The following UGGT2 variants were observed in gnomAD, a reference collection of about 807,000 sequenced individuals.
UGGT2 encodes UDP-glucose glycoprotein glucosyltransferase 2.
Under a neutral mutation model 192.1 loss-of-function variants are expected in UGGT2, and 180 were observed. That is an observed-to-expected ratio of 0.94 (90% CI 0.83 to 1.06). The LOEUF is 1.06. UGGT2 is among the 50% of genes least tolerant of loss of function. The probability of loss-of-function intolerance (pLI) is 0.00; values close to 1 mark genes in which losing one functional copy is unlikely to be tolerated. For missense variants in UGGT2, 1,849 were observed against 1,795.7 expected, an observed-to-expected ratio of 1.03 and a Z score of -0.54; for synonymous variants, 580 against 591.0, an observed-to-expected ratio of 0.98 and a Z score of 0.27.
rs571598486 is a variant in UGGT2 at position 95,806,782 on chromosome 13, G to A, written c.4529-4970C>T. 5.3e-4 allele frequency among the ~76,000 whole-genome samples: 80 copies of A among 152,066 alleles called. No individual in the cohort carries two copies. In the South Asian group the frequency reaches 6.9e-3, roughly 13 times the overall value. ...ACAAGGGTGTTCAGACCATTCAATG[G>A]GGAAATGACAGTCTCTCTAACAAAT... On this transcript the variant is annotated intron_variant, in intron 38 of 38. Coordinates refer to ENST00000376747, the MANE Select transcript of UGGT2 (RefSeq NM_020121.4).
At chr13:95,952,893 T>A (rs1382944073) in intron 12 of UGGT2, among the ~76,000 whole-genome samples, 1 of 152,194 alleles carries the variant, frequency 6.6e-6, no homozygotes, top group African/African-American at 2.4e-5. Flanking sequence ...GACAACTATA[T>A]AAAAACTATA....
intron 38 of UGGT2, among the ~76,000 whole-genome samples, chr13:95,828,401 C>T (rs1166893617): frequency 6.6e-6 from 1 of 151,898 alleles, no homozygotes; most frequent in Admixed American, 6.6e-5. Flanking sequence ...TTGAAAAGAT[C>T]AACAAAATTG....
chr13:95,801,904 T>G, intron 38 of UGGT2, 92 bp from the exon 39 acceptor site: 1 of 1,448,040 alleles, frequency 6.9e-7, no homozygotes, highest in Non-Finnish European at 9.6e-7. Context: ...GCACCGGTAC[T>G]GACTGAGGAT....
chr13:96,048,245 A>T (rs2053377555), intron 1 of UGGT2, among the ~76,000 whole-genome samples: 2 of 152,232 alleles, frequency 1.3e-5, no homozygotes, highest in South Asian at 4.1e-4. Context: ...CTGGGTACAT[A>T]ACAAAATGAA....
intron 9 of UGGT2, chr13:95,985,400 T>C: frequency 2.0e-6 from 1 of 504,722 alleles, no homozygotes; most frequent in East Asian, 6.9e-5. Context: ...TGGTATCTTG[T>C]AGCCAACCAT....
intron 36 of UGGT2, among the ~76,000 whole-genome samples, chr13:95,840,762 C>T (rs9556502): frequency 0.37 from 55,822 of 151,898 alleles, 10,621 homozygotes; most frequent in Non-Finnish European, 0.42. Flanking sequence ...GTATGTTTAC[C>T]GCAGCACTAT....
At chr13:95,802,724 G>A (rs187584948) in intron 38 of UGGT2, among the ~76,000 whole-genome samples, 22 of 152,312 alleles carry the variant, frequency 1.4e-4, no homozygotes, top group Non-Finnish European at 2.1e-4. Flanking sequence ...AGGGCCGTCC[G>A]TGGAAAATCT....
chr13:95,996,768 G>C (rs933117402), intron 6 of UGGT2, among the ~76,000 whole-genome samples: 1 of 152,150 alleles, frequency 6.6e-6, no homozygotes, highest in Non-Finnish European at 1.5e-5. Flanking sequence ...AGTGAGGCAG[G>C]AGGTCCAAAC....
At chr13:96,032,500 CTA>C (rs1389896568) in intron 1 of UGGT2, among the ~76,000 whole-genome samples, 4 of 152,086 alleles carry the variant, frequency 2.6e-5, no homozygotes, top group African/African-American at 9.7e-5. Context: ...GTGTACTGCA[CTA>C]TGTCTTTGGC....
intron 17 of UGGT2, among the ~76,000 whole-genome samples, chr13:95,928,220 C>A (rs1371707370): frequency 6.7e-6 from 1 of 148,732 alleles, no homozygotes; most frequent in Admixed American, 6.7e-5. Flanking sequence ...GAGGCGCCCC[C>A]CACCTCCCGG....
intron 15 of UGGT2, among the ~76,000 whole-genome samples, chr13:95,941,677 T>G (rs983269119): frequency 2.0e-5 from 3 of 152,182 alleles, no homozygotes; most frequent in East Asian, 1.9e-4. Flanking sequence ...CTCAGACATA[T>G]CAACTCAATC....
chr13:95,933,801 C>T (rs1022605721), intron 17 of UGGT2, among the ~76,000 whole-genome samples: 5 of 152,146 alleles, frequency 3.3e-5, no homozygotes, highest in African/African-American at 1.2e-4. Context: ...CCTGCCTCAG[C>T]CCCCAGAGTA....
At chr13:95,919,370 T>C (rs1424599170) in intron 20 of UGGT2, among the ~76,000 whole-genome samples, 1 of 152,038 alleles carries the variant, frequency 6.6e-6, no homozygotes, top group African/African-American at 2.4e-5. Context: ...CTGGCCAGGG[T>C]AATCAGGCGC....
chr13:95,807,463 T>G (rs1348642154), intron 38 of UGGT2, among the ~76,000 whole-genome samples: 2 of 152,208 alleles, frequency 1.3e-5, no homozygotes, highest in African/African-American at 2.4e-5. Context: ...TGCTTTAGTT[T>G]CAGTCTCCAT....
chr13:96,023,256 TAA>T, intron 3 of UGGT2, 104 bp from the exon 4 acceptor site: 1 of 898,754 alleles, frequency 1.1e-6, no homozygotes, highest in Non-Finnish European at 1.6e-6. Flanking sequence ...CAACTACTAT[TAA>T]GTTATTGCTC....
intron 38 of UGGT2, among the ~76,000 whole-genome samples, chr13:95,830,305 C>T (rs1005518115): frequency 3.9e-5 from 6 of 152,180 alleles, no homozygotes; most frequent in Non-Finnish European, 5.9e-5. Flanking sequence ...TAAAGCGCTT[C>T]TGCACAGCAA....
At chr13:95,996,276 TA>T in intron 6 of UGGT2, 141 bp from the exon 7 acceptor site, 1 of 665,948 alleles carries the variant, frequency 1.5e-6, no homozygotes, top group Non-Finnish European at 2.6e-6. Context: ...CCGAGGTGGG[TA>T]AATCACTTGA....
intron 33 of UGGT2, among the ~76,000 whole-genome samples, chr13:95,858,147 T>G (rs530329548): frequency 7.5e-4 from 114 of 152,018 alleles, no homozygotes; most frequent in African/African-American, 2.0e-3. Flanking sequence ...AGCTGTTTCA[T>G]ATCAGGCCTA....
intron 5 of UGGT2, among the ~76,000 whole-genome samples, chr13:96,010,878 GGTAAA>G (rs1165916782): frequency 6.6e-6 from 1 of 152,246 alleles, no homozygotes; most frequent in Admixed American, 6.5e-5. Context: ...AGGCTATCAA[GGTAAA>G]GTAATCAAGC....
Sources: gnomAD v4.1 joint callset for allele counts (sites outside exome capture counted in the v4.1 genomes callset) on GRCh38, gnomAD v4.1.1 for gene constraint, MANE v1.5 for transcripts, NCBI Gene and HGNC (gene_info 2026-07-23, HGNC 2026-07-21) for gene names.